The following MED15 variants were observed in gnomAD, a reference collection of about 807,000 sequenced individuals.
The protein encoded by MED15 is mediator of RNA polymerase II transcription subunit 15.
In MED15, 41 loss-of-function variants were observed where a neutral mutation model predicts 118.7. That is an observed-to-expected ratio of 0.35 (90% CI 0.27 to 0.45). The LOEUF (loss-of-function observed/expected upper bound fraction) is 0.45, where lower values mean the gene tolerates loss of function less well. MED15 is among the 20% of genes least tolerant of loss of function. The probability of loss-of-function intolerance (pLI) is 1.00; values close to 1 mark genes in which losing one functional copy is unlikely to be tolerated. For missense variants in MED15, 740 were observed against 1,025.5 expected, an observed-to-expected ratio of 0.72 and a Z score of 3.80; for synonymous variants, 436 against 413.9, an observed-to-expected ratio of 1.05 and a Z score of -0.65.
chr22:20,562,687 T>G (rs963576511), intron 5 of MED15, among the ~76,000 whole-genome samples: 1 of 152,158 alleles, frequency 6.6e-6, no homozygotes, highest in Non-Finnish European at 1.5e-5. Flanking sequence ...CCGCCGGTCA[T>G]ACATGTTTTA....
At chr22:20,549,257 T>C (rs1268577069) in intron 2 of MED15, among the ~76,000 whole-genome samples, 2 of 152,250 alleles carry the variant, frequency 1.3e-5, no homozygotes, top group Non-Finnish European at 2.9e-5. Context: ...TAGCTGTTAC[T>C]GTCATGATGT....
intron 8 of MED15, among the ~76,000 whole-genome samples, chr22:20,572,479 C>T (rs2056696170): frequency 6.6e-6 from 1 of 152,208 alleles, no homozygotes; most frequent in Non-Finnish European, 1.5e-5. Context: ...TAAAGGGTAG[C>T]CTGGGACTGA....
intron 5 of MED15, among the ~76,000 whole-genome samples, chr22:20,561,718 TAAAAG>T (rs1180541663): frequency 2.0e-5 from 3 of 151,952 alleles, no homozygotes; most frequent in Non-Finnish European, 4.4e-5. Flanking sequence ...GATTTAAAAA[TAAAAG>T]ATGAAGAAAG....
At chr22:20,525,783 A>G (rs1177340423) in intron 1 of MED15, among the ~76,000 whole-genome samples, 3 of 151,968 alleles carry the variant, frequency 2.0e-5, no homozygotes, top group African/African-American at 7.3e-5. Flanking sequence ...TGATCCACCT[A>G]TCTCAGCCTC....
At chr22:20,508,294 G>A (rs1230296804) in intron 1 of MED15, 1 of 1,302,568 alleles carries the variant, frequency 7.7e-7, no homozygotes, top group African/African-American at 1.5e-5. Context: ...CCGCTGTCAG[G>A]AAGCGATCGT....
At chr22:20,553,000 A>G in intron 3 of MED15, 145 bp from the exon 4 acceptor site, 1 of 710,932 alleles carries the variant, frequency 1.4e-6, no homozygotes, top group Non-Finnish European at 2.4e-6. Flanking sequence ...AAGAGTAGAA[A>G]CACTTCCCCC....
chr22:20,582,678 C>T lies in MED15; in HGVS notation c.1340C>T (p.Ser447Leu). Residue 447 changes from serine to leucine, a missense_variant, in exon 10 of 18, where the codon TCG becomes TTG. Physicochemically the swap from Ser to Leu is moderately radical, Grantham distance 145 (BLOSUM62 -2). This residue lies in a region of MED15 where 384 missense variants were observed against 506.3 expected (regional missense o/e 0.76). Transcript: ENST00000263205. Reference protein sequence around the residue: ...SPGQQVQTPQSMPPPPQPSPQ... With the variant: ...SPGQQVQTPQLMPPPPQPSPQ... ...GGCCAGCAGGTGCAGACCCCGCAGT[C>T]GATGCCCCCTCCCCCCCAGCCGTCC... The T allele has an allele frequency of 1.3e-6, 2 of 1,597,300 alleles. No homozygotes were observed. Among genetic ancestry groups the T allele is most frequent in the Non-Finnish European group, 1.7e-6 (2 of 1,178,132 alleles).
At chr22:20,538,342 C>T (rs2055159920) in intron 2 of MED15, among the ~76,000 whole-genome samples, 1 of 152,060 alleles carries the variant, frequency 6.6e-6, no homozygotes, top group South Asian at 2.1e-4. Flanking sequence ...CTCAATCTCC[C>T]GGGCTTAGGC....
intron 9 of MED15, among the ~76,000 whole-genome samples, chr22:20,581,124 C>G (rs936124730): frequency 1.4e-4 from 22 of 152,242 alleles, no homozygotes; most frequent in African/African-American, 4.6e-4. Context: ...CTTAGCCCCC[C>G]ACCCCCTGGT....
intron 2 of MED15, among the ~76,000 whole-genome samples, chr22:20,550,097 GC>G (rs1430898679): frequency 2.0e-5 from 3 of 152,132 alleles, no homozygotes; most frequent in Admixed American, 1.3e-4. Flanking sequence ...TGGCCCCCAG[GC>G]CCTTCTCCCC....
chr22:20,523,687 A>G (rs1411208450), intron 1 of MED15: 1 of 985,372 alleles, frequency 1.0e-6, no homozygotes, highest in East Asian at 1.1e-4. Flanking sequence ...GGCGAGACCT[A>G]GGGGAGCCCC....
At chr22:20,546,506 T>TTTG (rs1382218465) in intron 2 of MED15, among the ~76,000 whole-genome samples, 16 of 149,102 alleles carry the variant, frequency 1.1e-4, no homozygotes, top group Non-Finnish European at 2.2e-4. Flanking sequence ...CATGGAGTTT[T>TTTG]TTTTGTTTTT....
chr22:20,577,101 C>T (rs544004566), intron 9 of MED15, among the ~76,000 whole-genome samples: 1 of 152,296 alleles, frequency 6.6e-6, no homozygotes, highest in South Asian at 2.1e-4. Context: ...CATTTAGCCC[C>T]TTTTACAGAC....
At chr22:20,532,476 A>G (rs1421290499) in intron 1 of MED15, among the ~76,000 whole-genome samples, 2 of 152,158 alleles carry the variant, frequency 1.3e-5, no homozygotes, top group African/African-American at 2.4e-5. Flanking sequence ...GTCCCCTGGG[A>G]GGCTTCAGTC....
chr22:20,509,274 T>C (rs2146323473), intron 1 of MED15, among the ~76,000 whole-genome samples: 1 of 152,240 alleles, frequency 6.6e-6, no homozygotes, highest in Middle Eastern at 3.4e-3. Context: ...AGTAGTGAAA[T>C]GCCAGTGTTG....
chr22:20,546,492 G>T (rs1055265676), intron 2 of MED15, among the ~76,000 whole-genome samples: 4 of 140,638 alleles, frequency 2.8e-5, no homozygotes, highest in African/African-American at 5.3e-5. Context: ...TCCCACATTC[G>T]TTACATGGAG....
chr22:20,527,834 G>C (rs572005974), intron 1 of MED15, among the ~76,000 whole-genome samples: 1 of 151,848 alleles, frequency 6.6e-6, no homozygotes, highest in Non-Finnish European at 1.5e-5. Context: ...GCGCGCGCCT[G>C]TAGTCCCAGC....
chr22:20,567,479 A>G (rs1341294422), intron 7 of MED15, among the ~76,000 whole-genome samples: 1 of 152,062 alleles, frequency 6.6e-6, no homozygotes, highest in African/African-American at 2.4e-5. Context: ...CATGAGTGGA[A>G]TGGGGCCTGA....
chr22:20,550,399 A>C (rs2055721838), intron 2 of MED15, among the ~76,000 whole-genome samples: 1 of 152,206 alleles, frequency 6.6e-6, no homozygotes, highest in Non-Finnish European at 1.5e-5. Flanking sequence ...GAGCTGAAAA[A>C]AAGAAGTGGG....
Sources: gnomAD v4.1 joint callset for allele counts (sites outside exome capture counted in the v4.1 genomes callset) on GRCh38, gnomAD v4.1.1 for gene constraint, gnomAD v4.1.1 regional missense constraint, MANE v1.5 for transcripts, NCBI Gene and HGNC (gene_info 2026-07-23, HGNC 2026-07-21) for gene names.